Variants in ME3 observed in about 807,000 individuals in gnomAD.
The protein encoded by ME3 is NADP-dependent malic enzyme, mitochondrial.
Under a neutral mutation model 68.9 loss-of-function variants are expected in ME3, and 48 were observed. That is an observed-to-expected ratio of 0.70 (90% confidence interval 0.55 to 0.89). The LOEUF (loss-of-function observed/expected upper bound fraction) is 0.89. Among genes scored for constraint, ME3 ranks in the 40% least tolerant of loss-of-function variants. ME3 has a pLI of 0.00. For synonymous variants in ME3, 320 were observed against 318.8 expected, an observed-to-expected ratio of 1.00 and a Z score of -0.04; for missense variants, 675 against 797.4, an observed-to-expected ratio of 0.85 and a Z score of 1.85.
downstream of ME3, chr11:86,437,197 G>A (rs1382543299): frequency 2.6e-5 from 4 of 152,002 alleles, no homozygotes; most frequent in Non-Finnish European, 1.5e-5. Context: ...TTCACTTAAG[G>A]GCCTCCAGTT....
intron 2 of ME3, chr11:86,668,244 T>G (rs1025936362): frequency 3.9e-5 from 6 of 152,174 alleles, no homozygotes; most frequent in African/African-American, 1.2e-4. Flanking sequence ...TTCTCTTTTC[T>G]TTGGAAAATG....
chr11:86,447,278 G>A, intron 11 of ME3, 71 bp from the exon 12 acceptor site: 1 of 1,563,536 alleles, frequency 6.4e-7, no homozygotes. Context: ...TGCTGGTGGT[G>A]GTGGGGGAAC....
intron 2 of ME3, among the ~76,000 whole-genome samples, chr11:86,632,665 T>C (rs1433137802): frequency 3.9e-5 from 6 of 152,172 alleles, no homozygotes; most frequent in African/African-American, 1.2e-4. Context: ...ACCTGCCACA[T>C]GTGTGACAGC....
chr11:86,441,121 C>CT (rs1173882693), exon 15 of ME3: 9 of 644,478 alleles, frequency 1.4e-5, no homozygotes, highest in Non-Finnish European at 2.1e-5. Flanking sequence ...AGAGACAAGG[C>CT]TTTTATTCAC....
At chr11:86,463,060 G>T (rs1950302655) in intron 8 of ME3, among the ~76,000 whole-genome samples, 1 of 152,198 alleles carries the variant, frequency 6.6e-6, no homozygotes, top group Non-Finnish European at 1.5e-5. Flanking sequence ...ACTTTCTCAT[G>T]AAGAGAGGGT....
intron 7 of ME3, among the ~76,000 whole-genome samples, chr11:86,476,485 AG>A (rs1378458026): frequency 1.3e-5 from 2 of 152,188 alleles, no homozygotes; most frequent in African/African-American, 4.8e-5. Context: ...CTCTTGGGCA[AG>A]CTTCTGTTTC....
At chr11:86,548,180 T>G (rs1295892609) in intron 4 of ME3, among the ~76,000 whole-genome samples, 2 of 152,214 alleles carry the variant, frequency 1.3e-5, no homozygotes, top group Non-Finnish European at 2.9e-5. Flanking sequence ...AAGCACAAAT[T>G]CACTTTTTCA....
At chr11:86,598,682 C>A (rs879806109) in intron 2 of ME3, among the ~76,000 whole-genome samples, 1 of 152,208 alleles carries the variant, frequency 6.6e-6, no homozygotes, top group Non-Finnish European at 1.5e-5. Flanking sequence ...CCCAAGCAGC[C>A]TAACTGGGAG....
chr11:86,555,340 A>C (rs959062380), intron 4 of ME3, among the ~76,000 whole-genome samples: 2 of 152,198 alleles, frequency 1.3e-5, no homozygotes, highest in African/African-American at 4.8e-5. Context: ...GGGGAAGTAC[A>C]TAGAGTCCTG....
intron 2 of ME3, among the ~76,000 whole-genome samples, chr11:86,615,183 AC>A (rs1271486405): frequency 6.6e-6 from 1 of 151,922 alleles, no homozygotes; most frequent in Non-Finnish European, 1.5e-5. Flanking sequence ...CCACATCCGG[AC>A]CCTACACATA....
chr11:86,571,892 G>C (rs1384842109), intron 2 of ME3, among the ~76,000 whole-genome samples: 1 of 152,206 alleles, frequency 6.6e-6, no homozygotes, highest in Non-Finnish European at 1.5e-5. Context: ...ATTCAGAGGA[G>C]CTTGGGATCC....
intron 2 of ME3, among the ~76,000 whole-genome samples, chr11:86,659,597 G>C (rs1353832023): frequency 2.0e-5 from 3 of 152,216 alleles, no homozygotes; most frequent in Non-Finnish European, 4.4e-5. Flanking sequence ...CATTGTGTAT[G>C]CAAGTATTTA....
intron 2 of ME3, among the ~76,000 whole-genome samples, chr11:86,654,724 A>G (rs547899345): frequency 1.2e-4 from 19 of 152,340 alleles, no homozygotes; most frequent in African/African-American, 3.8e-4. Context: ...CCTATTCAAC[A>G]TAGTGTTGGA....
chr11:86,462,726 TTATCTTCTG>T (rs1306678559), intron 8 of ME3: 22 of 575,558 alleles, frequency 3.8e-5, no homozygotes, highest in Admixed American at 3.3e-4. Context: ...CAGAAGCTTA[TTATCTTCTG>T]GGAAGGCAGA....
intron 7 of ME3, among the ~76,000 whole-genome samples, chr11:86,476,393 G>C (rs1162342765): frequency 6.6e-6 from 1 of 152,196 alleles, no homozygotes; most frequent in Admixed American, 6.5e-5. Context: ...CCAGCTCTGA[G>C]GGCAAAGTAC....
chr11:86,611,792 T>G (rs1040558011), intron 2 of ME3, among the ~76,000 whole-genome samples: 3 of 152,176 alleles, frequency 2.0e-5, no homozygotes, highest in Non-Finnish European at 4.4e-5. Context: ...CTCAGTTTTC[T>G]CATCTGTAAA....
rs980178127 is a variant in ME3, at chr11:86,518,464, G to T, written c.468-9597C>A. 9.9e-5 allele frequency among the ~76,000 whole-genome samples: 15 copies of T among 152,042 alleles called. 1 individual carries two copies. The highest frequency in any genetic ancestry group is 6.8e-3 in the Middle Eastern group (2 of 294). On this transcript the variant is annotated intron_variant, in intron 4 of 14. Coordinates refer to ENST00000543262, the Ensembl canonical transcript of ME3. ...GTGACTCCCCTAGGAAATTTACTAC[G>T]CCCAGCCAGATTTTCTTTGTCCTGT...
chr11:86,595,523 A>G (rs948108135), intron 2 of ME3, among the ~76,000 whole-genome samples: 1 of 152,178 alleles, frequency 6.6e-6, no homozygotes, highest in African/African-American at 2.4e-5. Context: ...ACACTATCCT[A>G]TAAGAAGCAA....
At chr11:86,596,463 C>A (rs1959472483) in intron 2 of ME3, among the ~76,000 whole-genome samples, 1 of 152,166 alleles carries the variant, frequency 6.6e-6, no homozygotes, top group South Asian at 2.1e-4. Context: ...TTCAGTGAAG[C>A]CCAGGAAAAT....
Sources: gnomAD v4.1 joint callset for allele counts (sites outside exome capture counted in the v4.1 genomes callset) on GRCh38, gnomAD v4.1.1 for gene constraint, MANE v1.5 for transcripts, NCBI Gene and HGNC (gene_info 2026-07-23, HGNC 2026-07-21) for gene names.